The following HNRNPK variants were observed in gnomAD, a reference collection of about 807,000 sequenced individuals.
HNRNPK encodes the protein heterogeneous nuclear ribonucleoprotein K.
HNRNPK carries 7 observed loss-of-function variants against 67.0 expected under a neutral mutation model. The ratio of observed to expected loss-of-function variants is 0.10; its 90% CI spans 0.06 to 0.20. The LOEUF is 0.20. Ranked by LOEUF, HNRNPK falls within the 10% of genes least tolerant of loss-of-function variation. The pLI, the probability that HNRNPK is intolerant of heterozygous loss-of-function variation, is 1.00. For missense variants in HNRNPK, 264 were observed against 606.5 expected (o/e 0.44, Z 5.93); for synonymous variants, 213 against 193.7 (o/e 1.10, Z -0.83).
intron 10 of HNRNPK, 174 bp from the exon 11 acceptor site, chr9:83,972,363 A>G (rs1259381205): frequency 5.1e-6 from 3 of 583,338 alleles, no homozygotes; most frequent in Non-Finnish European, 8.9e-6. Flanking sequence ...GATTCCAAAG[A>G]AATCCAATAC....
intron 16 of HNRNPK, chr9:83,969,745 G>A: frequency 1.5e-6 from 1 of 658,216 alleles, no homozygotes. Context: ...CCAATCATTT[G>A]TCCTGTAGAG....
chr9:83,968,896 T>A lies in HNRNPK; in HGVS notation c.*511A>T, dbSNP rs527287924. The A allele has an allele frequency of 6.5e-6, 1 of 154,094 alleles. No homozygotes were observed. The highest frequency in any genetic ancestry group is 6.5e-5 in the Admixed American group (1 of 15,338). 9.5% of individuals were successfully genotyped at this position (154,094 alleles called of 1,614,324 possible). On this transcript the variant is annotated 3_prime_UTR_variant, in exon 17 of 17. Transcript: ENST00000376263. The stretch of plus-strand genomic sequence containing the variant: ...TAAAATGACTGTCTTAAAAAAAAAA[T>A]GACCACCAAAAATAGGTTCACTAAA...
At chr9:83,970,353 A>G (rs1214857885) in intron 15 of HNRNPK, 22 bp from the exon 16 acceptor site, 2 of 1,594,124 alleles carry the variant, frequency 1.3e-6, no homozygotes, top group Admixed American at 1.7e-5. Flanking sequence ...TTTTAAAAGT[A>G]TGTGTTTACG....
intron 8 of HNRNPK, 86 bp downstream of exon 8, chr9:83,973,815 TG>T: frequency 1.0e-6 from 1 of 987,882 alleles, no homozygotes; most frequent in Non-Finnish European, 1.6e-6. Flanking sequence ...TCTATAGAGA[TG>T]GGAAAAGCAC....
chr9:83,977,596 C>G (rs928842851), intron 4 of HNRNPK, 93 bp downstream of exon 4: 2 of 691,898 alleles, frequency 2.9e-6, no homozygotes, highest in Non-Finnish European at 4.9e-6. Context: ...ATTCTTCAAT[C>G]TGTAAAACTT....
intron 15 of HNRNPK, 145 bp from the exon 16 acceptor site, chr9:83,970,476 G>C: frequency 1.4e-6 from 1 of 699,208 alleles, no homozygotes; most frequent in Non-Finnish European, 2.4e-6. Context: ...CAAGGTTTGA[G>C]TTATAATGTA....
At chr9:83,973,850 C>G in intron 8 of HNRNPK, 52 bp downstream of exon 8, 1 of 1,298,316 alleles carries the variant, frequency 7.7e-7, no homozygotes, top group Non-Finnish European at 1.1e-6. Context: ...TATAATCGAT[C>G]CTATGGGCCA....
In HNRNPK at chr9:83,972,967, A is replaced by T. The variant is rs771274321; in HGVS notation, c.522T>A (p.Thr174=). ...CCTGGAAAAGCTTGATGGTGGTTTGAGTGTTCTGTAGTAAGATCATAAAAA... is the reference window on the plus strand; with the variant it reads ...CCTGGAAAAGCTTGATGGTGGTTTGTGTGTTCTGTAGTAAGATCATAAAAA... The part of the protein sequence containing the change: ...GAKIKELREN[T]QTTIKLFQEC... Residue 174 remains threonine, a synonymous_variant, in exon 10 of 17, where the codon ACT becomes ACA. Coordinates refer to ENST00000376263, the MANE Select transcript of HNRNPK (RefSeq NM_031263.4). 6.9e-6 allele frequency: 11 copies of T among 1,598,178 alleles called. No individual in the cohort carries two copies. Among genetic ancestry groups the T allele is most frequent in the Non-Finnish European group, 9.4e-6 (11 of 1,169,238 alleles).
At chr9:83,971,098 C>T in intron 13 of HNRNPK, 175 bp downstream of exon 13, 1 of 722,198 alleles carries the variant, frequency 1.4e-6, no homozygotes. Flanking sequence ...AGCACCACTG[C>T]ACCCAGCTTC....
At chr9:83,977,976 A>C (rs1190007124) in intron 3 of HNRNPK, among the ~76,000 whole-genome samples, 190 bp from the exon 4 acceptor site, 2 of 152,212 alleles carry the variant, frequency 1.3e-5, no homozygotes, top group Non-Finnish European at 2.9e-5. Flanking sequence ...AAATACTTCA[A>C]AGGATTTGAA....
At chr9:83,973,240 A>C (rs753485538) in intron 9 of HNRNPK, 46 bp downstream of exon 9, 1 of 1,126,086 alleles carries the variant, frequency 8.9e-7, no homozygotes. Flanking sequence ...TCTATATGAA[A>C]ATTTACTTTC....
chr9:83,969,507 G>A, intron 16 of HNRNPK, 67 bp from the exon 17 acceptor site: 1 of 955,912 alleles, frequency 1.0e-6, no homozygotes, highest in Non-Finnish European at 1.7e-6. Flanking sequence ...TCAACATCAA[G>A]ACAATTTCAA....
At chr9:83,975,640 A>G in intron 5 of HNRNPK, 135 bp from the exon 6 acceptor site, 1 of 773,950 alleles carries the variant, frequency 1.3e-6, no homozygotes, top group East Asian at 2.5e-5. Context: ...ATGGGCGTTC[A>G]GGGGCGGATG....
At chr9:83,971,758 G>T (rs376452299) in intron 11 of HNRNPK, 32 bp from the exon 12 acceptor site, 2 of 1,602,332 alleles carry the variant, frequency 1.2e-6, no homozygotes, top group Non-Finnish European at 1.7e-6. Flanking sequence ...TAATCTAAAC[G>T]TGCTTACATG....
chr9:83,979,994 T>C (rs1193304813), intron 1 of HNRNPK, among the ~76,000 whole-genome samples, 159 bp downstream of exon 1: 1 of 151,974 alleles, frequency 6.6e-6, no homozygotes, highest in African/African-American at 2.4e-5. Flanking sequence ...GGATACACGC[T>C]CAGGGAAATG....
In HNRNPK at chr9:83,970,812, G is replaced by A. The variant is rs922441667; in HGVS notation, c.1116C>T (p.Ser372=). 9 of 1,610,528 alleles carry A rather than the reference G, an allele frequency of 5.6e-6. No homozygotes were observed. Among genetic ancestry groups the A allele is most frequent in the Non-Finnish European group, 6.8e-6 (8 of 1,177,056 alleles). The change falls in exon 15 of 17, where the codon TCC becomes TCT. Residue 372 remains serine, a synonymous_variant. Coordinates refer to ENST00000376263, the MANE Select transcript of HNRNPK (RefSeq NM_031263.4). ...CATATGAGCCACGACCCCCTGCATA[G>A]GAATAATCTGATTTAAATAATGAGC... ...EPQGGSGYDY[S]YAGGRGSYGD...
intron 5 of HNRNPK, chr9:83,976,744 G>A (rs1032959986): frequency 2.9e-6 from 1 of 349,572 alleles, no homozygotes; most frequent in Non-Finnish European, 5.1e-6. Context: ...CTTGCTTGAT[G>A]AAGTGAATAA....
chr9:83,975,040 T>G (rs992315447), intron 6 of HNRNPK, among the ~76,000 whole-genome samples: 3 of 152,158 alleles, frequency 2.0e-5, no homozygotes, highest in African/African-American at 7.2e-5. Flanking sequence ...ACTAATGGGC[T>G]CTGCAAGAAA....
intron 7 of HNRNPK, 149 bp downstream of exon 7, chr9:83,974,368 G>T (rs1422206615): frequency 1.1e-5 from 5 of 437,458 alleles, no homozygotes; most frequent in African/African-American, 8.5e-5. Flanking sequence ...AACAAATTAC[G>T]CATGTACAAA....
Sources: allele counts gnomAD v4.1 joint callset (sites outside exome capture counted in the v4.1 genomes callset), GRCh38; gene constraint gnomAD v4.1.1; transcripts MANE v1.5; gene names NCBI Gene and HGNC (gene_info 2026-07-23, HGNC 2026-07-21).